Variants in TOP3B observed in about 807,000 individuals in gnomAD.
The protein encoded by TOP3B is DNA topoisomerase III beta.
TOP3B carries 45 observed loss-of-function variants against 93.9 expected under a neutral mutation model. That is an observed-to-expected ratio of 0.48 (90% confidence interval 0.38 to 0.61). The LOEUF (loss-of-function observed/expected upper bound fraction) is 0.61, where lower values mean the gene tolerates loss of function less well. Ranked by LOEUF, TOP3B falls within the 20% of genes least tolerant of loss-of-function variation. The pLI is 0.00. For synonymous variants in TOP3B, 357 were observed against 472.6 expected, an observed-to-expected ratio of 0.76 and a Z score of 3.17; for missense variants, 750 against 1,156.1, an observed-to-expected ratio of 0.65 and a Z score of 5.09.
Position 21,963,935 on chromosome 22 carries a change from C to A in TOP3B, c.1192G>T (p.Glu398Ter). 1.2e-6 allele frequency: 2 copies of A among 1,613,746 alleles called. No individual in the cohort carries two copies. Among genetic ancestry groups the A allele is most frequent in the Non-Finnish European group, 1.7e-6 (2 of 1,180,004 alleles). The change falls in exon 11 of 18, where the codon GAG (glutamate) becomes TAG (stop). Residue 398 changes from glutamate (E) to a stop codon, truncating the protein, a stop_gained. Transcript: ENST00000357179. LOFTEE classifies it high-confidence loss of function. The surrounding 1 kb of genome is among the most constrained non-coding windows in gnomAD (Gnocchi z 4.8). ...ATGAGAGCGGTACCTAATTCGGCCT[C>A]TGTGGCAGACTTCATGGGGGTGATG... is the stretch of plus-strand genomic sequence containing the variant. ...PPITPMKSAT[E>*]AELGGDAWRL...
At position 21,964,275 on chromosome 22, in the gene TOP3B, G is replaced by A; in HGVS notation, c.984C>T (p.Leu328=). ...GGTAGCTGATGTAGCCTTGCGTGTA[G>A]AGCCGCTCAGCCGTCTGCATGGCGT... is the stretch of plus-strand genomic sequence containing the variant. ...PQHAMQTAER[L]YTQGYISYPR... Residue 328 remains leucine, a synonymous_variant, in exon 10 of 18, where the codon CTC becomes CTT. Coordinates refer to ENST00000357179, the MANE Select transcript of TOP3B (RefSeq NM_001282112.2). 1 of 1,614,084 alleles carries A rather than the reference G, an allele frequency of 6.2e-7. No individual in the cohort carries two copies. Among genetic ancestry groups the A allele is most frequent in the Non-Finnish European group, 8.5e-7 (1 of 1,180,000 alleles).
At position 21,962,528 on chromosome 22, in the gene TOP3B, A is replaced by G. The variant is rs753381362; in HGVS notation, c.1426T>C (p.Phe476Leu). 6.2e-7 allele frequency: 1 copy of G among 1,613,648 alleles called. No individual in the cohort carries two copies. The highest frequency in any genetic ancestry group is 1.1e-5 in the South Asian group (1 of 91,074). The change falls in exon 13 of 18, where the codon TTC (phenylalanine) becomes CTC (leucine). Residue 476 changes from phenylalanine to leucine, a missense_variant. Coordinates refer to ENST00000357179, the MANE Select transcript of TOP3B (RefSeq NM_001282112.2). Reference sequence around the variant, plus strand: ...AGCATCTTCACCTCGCCCACAGGGAAGGCATCACCCCGCTGGCAAGTGGGC... The same window carrying G: ...AGCATCTTCACCTCGCCCACAGGGAGGGCATCACCCCGCTGGCAAGTGGGC... The part of the protein sequence containing the change: ...SLPTCQRGDA[F>L]PVGEVKMLEK...
Position 21,972,616 on chromosome 22 carries a change from AG to A in TOP3B, c.304del (p.Leu102CysfsTer36), listed in dbSNP as rs1007658152. ...ANPKLNMVKF[L>X]QVEGRGCDYI... is the part of the protein sequence containing the mutation. The stretch of plus-strand genomic sequence containing the variant: ...GCCCAGGCCAGCCCCACGCACCTGC[AG>A]GAACTTCACCATGTTCAGCTTGGGG... On this transcript the variant is annotated frameshift_variant, in exon 4 of 18. Coordinates refer to ENST00000357179, the MANE Select transcript of TOP3B (RefSeq NM_001282112.2). LOFTEE classifies it high-confidence loss of function. 3 of 1,608,756 alleles carry A rather than the reference AG, an allele frequency of 1.9e-6. No homozygotes were observed. The highest frequency in any genetic ancestry group is 2.5e-6 in the Non-Finnish European group (3 of 1,178,112).
chr22:21,978,665 T>C lies in TOP3B; in HGVS notation c.-98-2858A>G, dbSNP rs561358436. On this transcript the variant is annotated intron_variant, in intron 1 of 17. Coordinates refer to ENST00000357179, the MANE Select transcript of TOP3B (RefSeq NM_001282112.2). ...GAGCACTTCAGGGCAGTTATCACCA[T>C]GTGGGGGACACTGACAGGCCAGGCG... Among the ~76,000 whole-genome samples the C allele has an allele frequency of 6.6e-5, 10 of 152,208 alleles. No homozygotes were observed. The East Asian group carries it at 1.7e-3, about 27-fold the overall frequency.
chr22:21,958,527 C>T lies in TOP3B; in HGVS notation c.2072G>A (p.Cys691Tyr). 2 of 1,614,072 alleles carry T rather than the reference C, an allele frequency of 1.2e-6. No homozygotes were observed. The highest frequency in any genetic ancestry group is 1.7e-6 in the Non-Finnish European group (2 of 1,180,030). The change falls in exon 17 of 18, where the codon TGC (cysteine) becomes TAC (tyrosine). Residue 691 changes from cysteine (C) to tyrosine (Y), a missense_variant. By Grantham distance (194) the Cys-to-Tyr change is radical. Around this residue, in one of 4 missense-constraint regions of TOP3B, gnomAD observed 737 missense variants for 933.7 expected, o/e 0.79. Transcript: ENST00000357179. Reference sequence around the variant, plus strand: ...GTCTCGGAAGGGTGGGTGGTTGTAGCAGTAGGGGCACAGCGGGTAGCTCTT... The same window carrying T: ...GTCTCGGAAGGGTGGGTGGTTGTAGTAGTAGGGGCACAGCGGGTAGCTCTT... ...RGKSYPLCPY[C>Y]YNHPPFRDMK...
intron 9 of TOP3B, 164 bp from the exon 10 acceptor site, chr22:21,964,479 C>T (rs2145843958): frequency 1.4e-6 from 1 of 723,206 alleles, no homozygotes; most frequent in East Asian, 2.7e-5. Context: ...GCCGGGTGGG[C>T]ACCTATGCCA....
chr22:21,959,305 G>A (rs2074267931), intron 15 of TOP3B, 73 bp from the exon 16 acceptor site: 1 of 1,591,728 alleles, frequency 6.3e-7, no homozygotes, highest in Non-Finnish European at 8.5e-7. Flanking sequence ...ACGTGGTCAA[G>A]GGTCTGAGTG....
chr22:21,969,615 C>A (rs2071551345), intron 6 of TOP3B: 1 of 151,054 alleles, frequency 6.6e-6, no homozygotes, highest in African/African-American at 2.4e-5. Context: ...AACAAACAAA[C>A]AAAAAAATAA....
At chr22:21,958,991 T>A (rs538928345) in intron 16 of TOP3B, 141 bp downstream of exon 16, 2 of 1,281,854 alleles carry the variant, frequency 1.6e-6, no homozygotes, top group Admixed American at 2.6e-5. Flanking sequence ...GGACACTGGG[T>A]ATTTTTTGGC....
In TOP3B at chr22:21,957,900, C is replaced by T. The variant is rs573831026; in HGVS notation, c.2108-305G>A. The T allele has an allele frequency of 9.4e-4, 1,399 of 1,481,516 alleles. 20 individuals carry two copies. Among genetic ancestry groups the T allele is most frequent in the Middle Eastern group, 2.7e-3 (15 of 5,628 alleles). The allele number at this position is 1,481,516 out of a possible 1,614,324, so 91.8% of individuals were successfully genotyped here. On this transcript the variant is annotated intron_variant, in intron 17 of 17. Coordinates refer to ENST00000357179, the MANE Select transcript of TOP3B (RefSeq NM_001282112.2). ...GTTACTGGTAATGCCACATGACCCT[C>T]ATGTCACTGGGCCACATGGAACCAC...
chr22:21,974,297 G>C (rs2071766436), intron 3 of TOP3B, 60 bp downstream of exon 3: 1 of 1,564,124 alleles, frequency 6.4e-7, no homozygotes, highest in Admixed American at 1.8e-5. Context: ...GGCTTCAACT[G>C]GACCCTGGCC....
rs1023577739 is a variant in TOP3B at position 21,968,403 on chromosome 22, C to G, written c.738+216G>C. 7.0e-6 allele frequency: 4 copies of G among 574,404 alleles called. No homozygotes were observed. In the African/African-American group the frequency reaches 7.5e-5, roughly 11 times the overall value. The allele number at this position is 574,404 out of a possible 1,614,324, so 35.6% of individuals were successfully genotyped here. On this transcript the variant is annotated intron_variant, in intron 7 of 17. Coordinates refer to ENST00000357179, the MANE Select transcript of TOP3B (RefSeq NM_001282112.2). ...ACTGCCAGAGCTGAACTCATTCCCA[C>G]TTATCCAGATTCAGCATATACAGGC... is the stretch of plus-strand genomic sequence containing the variant.
chr22:21,980,728 T>C (rs5756324), intron 1 of TOP3B, among the ~76,000 whole-genome samples: 38,504 of 152,184 alleles, frequency 0.25, 4,936 homozygotes, highest in East Asian at 0.32. Flanking sequence ...CTTTCCTCCC[T>C]GTGCGCCAGC....
chr22:21,958,761 CTCTCA>C, intron 16 of TOP3B, 68 bp from the exon 17 acceptor site: 1 of 1,492,462 alleles, frequency 6.7e-7, no homozygotes, highest in Non-Finnish European at 8.9e-7. Context: ...ACCCCCACTC[CTCTCA>C]TAATACAAAG....
intron 1 of TOP3B, chr22:21,977,145 A>C (rs964561979): frequency 2.0e-5 from 3 of 152,120 alleles, no homozygotes; most frequent in Non-Finnish European, 4.4e-5. Context: ...GCACCTGTGG[A>C]TAGAACAGCC....
rs779608259 is a variant in TOP3B, at chr22:21,974,455, G to T, written c.104C>A (p.Ala35Asp). ...CCCAGTGTACTCGTGGACTGAGCAG[G>T]CCCCGTTCAGCCCTTTGTGTGAGGA... ...SLSSHKGLNGACSVHEYTGTF... is the reference protein window; with the variant it reads ...SLSSHKGLNGDCSVHEYTGTF... Residue 35 changes from alanine (A) to aspartate (D), a missense_variant, in exon 3 of 18, where the codon GCC (alanine) becomes GAC (aspartate). Physicochemically the swap from Ala to Asp is moderately radical, Grantham distance 126. This residue lies in a region of TOP3B where 737 missense variants were observed against 933.7 expected (regional missense o/e 0.79). Coordinates refer to ENST00000357179, the MANE Select transcript of TOP3B (RefSeq NM_001282112.2). 1 of 1,613,116 alleles carries T rather than the reference G, an allele frequency of 6.2e-7. No homozygotes were observed. Among genetic ancestry groups the T allele is most frequent in the Non-Finnish European group, 8.5e-7 (1 of 1,179,454 alleles).
chr22:21,982,021 GTGT>G (rs1265303388), intron 1 of TOP3B, among the ~76,000 whole-genome samples: 2 of 152,296 alleles, frequency 1.3e-5, no homozygotes, highest in East Asian at 1.9e-4. Context: ...CATAAGGCAG[GTGT>G]TGTAATTTTT....
intron 8 of TOP3B, chr22:21,967,390 C>T (rs982544881): frequency 5.4e-6 from 3 of 556,408 alleles, no homozygotes; most frequent in Admixed American, 3.1e-5. Context: ...TGGTATGGAG[C>T]GGGCATGCAG....
chr22:21,958,399 G>T (rs764501703), intron 17 of TOP3B, 93 bp downstream of exon 17: 167 of 1,591,742 alleles, frequency 1.0e-4, no homozygotes, highest in Non-Finnish European at 1.4e-4. Context: ...CAGGGTGAGG[G>T]GTCCCCTCAG....
Sources: gnomAD v4.1 joint callset for allele counts (sites outside exome capture counted in the v4.1 genomes callset) on GRCh38, gnomAD v4.1.1 for gene constraint, gnomAD v4.1.1 regional missense constraint, Gnocchi (gnomAD v3.1) non-coding constraint, MANE v1.5 for transcripts, NCBI Gene and HGNC (gene_info 2026-07-23, HGNC 2026-07-21) for gene names.